Variants in DENND3 observed in about 807,000 individuals in gnomAD.
DENND3 encodes the protein DENN domain-containing protein 3.
A neutral mutation model predicts 135.1 loss-of-function variants in DENND3; 88 were observed. That is an observed-to-expected ratio of 0.65 (90% CI 0.55 to 0.78). The LOEUF is 0.78. DENND3 is among the 30% of genes least tolerant of loss of function. The pLI is 0.00. For synonymous variants in DENND3, 693 were observed against 712.3 expected, an observed-to-expected ratio of 0.97 and a Z score of 0.43; for missense variants, 1,392 against 1,688.4, an observed-to-expected ratio of 0.82 and a Z score of 3.08.
In DENND3 at chr8:141,141,576, G is replaced by A. The variant is rs1483569831; in HGVS notation, c.623+252G>A. On this transcript the variant is annotated intron_variant, in intron 4 of 22. Transcript: ENST00000519811. The surrounding 1 kb of genome is among the most constrained non-coding windows in gnomAD (Gnocchi z 5.3). ...CTCCTCTCTGTGACTGGTAACATAC[G>A]GTAATGGCATGGTAGGAAAGGGATG... is the stretch of plus-strand genomic sequence containing the variant. 9.7e-6 allele frequency: 5 copies of A among 515,702 alleles called. No individual in the cohort carries two copies. Among genetic ancestry groups the A allele is most frequent in the South Asian group, 2.3e-5 (1 of 43,506 alleles). 31.9% of individuals were successfully genotyped at this position (515,702 alleles called of 1,614,324 possible).
rs575462837 is a variant in DENND3 at position 141,148,947 on chromosome 8, G to A, written c.736-1887G>A. On this transcript the variant is annotated intron_variant, in intron 5 of 22. Coordinates refer to ENST00000519811, the MANE Select transcript of DENND3 (RefSeq NM_001352890.3). ...TTTTTTTGAGAGGAGTTTCGCTCTT[G>A]TTGCCCAGGCTGGAGTGCAATGGCA... Among the ~76,000 whole-genome samples, 72 of 146,054 alleles carry A rather than the reference G, an allele frequency of 4.9e-4. No homozygotes were observed. In the South Asian group the frequency reaches 0.015, roughly 31 times the overall value.
intron 1 of DENND3, among the ~76,000 whole-genome samples, chr8:141,131,815 G>A (rs559876306): frequency 6.6e-6 from 1 of 151,840 alleles, no homozygotes; most frequent in Admixed American, 6.6e-5. Flanking sequence ...GTCAGCACCT[G>A]GGACAGAAGA....
Position 141,175,457 on chromosome 8 carries a change from G to C in DENND3, c.2533G>C (p.Glu845Gln). Residue 845 changes from glutamate to glutamine, a missense_variant and splice_region_variant, in exon 14 of 23, where the codon GAG becomes CAG. Transcript: ENST00000519811. This position sits in a 1 kb window ranked among gnomAD's most constrained non-coding sequence, Gnocchi z 5.4. Reference protein sequence around the residue: ...YLEISTFRNIEEVRRTTTTFL... With the variant: ...YLEISTFRNIQEVRRTTTTFL... ...GGAGATTTCCACCTTCAGAAATATA[G>C]AGGTAAGGACAGCACAGGCAGACGG... 6.2e-7 allele frequency: 1 copy of C among 1,614,188 alleles called. No homozygotes were observed. Among genetic ancestry groups the C allele is most frequent in the Non-Finnish European group, 8.5e-7 (1 of 1,180,044 alleles).
chr8:141,182,434 G>T lies in DENND3; in HGVS notation c.2944+1580G>T. Reference sequence around the variant, plus strand: ...CTAAGCCAGGCTCTGTGCTGACTTCGCCAGAGATGACTCCACAGACCAAGA... The same window carrying T: ...CTAAGCCAGGCTCTGTGCTGACTTCTCCAGAGATGACTCCACAGACCAAGA... On this transcript the variant is annotated intron_variant, in intron 17 of 22. Coordinates refer to ENST00000519811, the MANE Select transcript of DENND3 (RefSeq NM_001352890.3). The surrounding 1 kb of genome is among the most constrained non-coding windows in gnomAD (Gnocchi z 5.9). The T allele has an allele frequency of 2.0e-6, 2 of 985,418 alleles. No individual in the cohort carries two copies. The highest frequency in any genetic ancestry group is 2.4e-6 in the Non-Finnish European group (2 of 829,938). The allele number at this position is 985,418 out of a possible 1,614,324, so 61.0% of individuals were successfully genotyped here. A position where few individuals can be genotyped will look rare whatever the true frequency, so the allele number is the denominator to read the frequency against.
rs765294440 is a variant in DENND3, at chr8:141,176,795, T to C, written c.2706+34T>C. 2.2e-5 allele frequency: 35 copies of C among 1,601,398 alleles called. No homozygotes were observed. In the South Asian group the frequency reaches 3.9e-4, roughly 18 times the overall value. The stretch of plus-strand genomic sequence containing the variant: ...CGCGGGTCCCCTCTGCCCTTTGCTG[T>C]GGCTGCCTCAGGGGCCTCTCGCCAC... On this transcript the variant is annotated intron_variant, in intron 15 of 22. Coordinates refer to ENST00000519811, the MANE Select transcript of DENND3 (RefSeq NM_001352890.3).
chr8:141,192,246 A>T, intron 20 of DENND3, 85 bp from the exon 21 acceptor site: 2 of 1,552,706 alleles, frequency 1.3e-6, no homozygotes, highest in Non-Finnish European at 8.7e-7. Context: ...CCACGCTGGA[A>T]AGAGCAGTGA....
chr8:141,138,287 C>T lies in DENND3; in HGVS notation c.501+150C>T. The T allele has an allele frequency of 1.2e-6, 1 of 851,076 alleles. No individual in the cohort carries two copies. 52.7% of individuals were successfully genotyped at this position (851,076 alleles called of 1,614,324 possible). ...ATTCACAGCATTGTGCAACCACCACCAATGTCTAGGTCCAAAACGCTTTCA... is the reference window on the plus strand; with the variant it reads ...ATTCACAGCATTGTGCAACCACCACTAATGTCTAGGTCCAAAACGCTTTCA... On this transcript the variant is annotated intron_variant, in intron 3 of 22. Transcript: ENST00000519811. The surrounding 1 kb of genome is among the most constrained non-coding windows in gnomAD (Gnocchi z 4.8).
intron 7 of DENND3, among the ~76,000 whole-genome samples, chr8:141,152,352 C>A (rs912944473): frequency 1.3e-5 from 2 of 152,166 alleles, no homozygotes; most frequent in African/African-American, 4.8e-5. Flanking sequence ...AATCATCCGC[C>A]GTCCAATTTT....
intron 1 of DENND3, among the ~76,000 whole-genome samples, chr8:141,132,605 C>T (rs1378223349): frequency 3.3e-5 from 5 of 152,194 alleles, no homozygotes; most frequent in Non-Finnish European, 7.3e-5. Flanking sequence ...GATCTACCTG[C>T]CTCAGCCTCC....
intron 17 of DENND3, among the ~76,000 whole-genome samples, chr8:141,181,476 G>T (rs1569556702): frequency 1.3e-5 from 2 of 152,232 alleles, no homozygotes; most frequent in African/African-American, 2.4e-5. Context: ...GCCCTGAGCG[G>T]CCCTGAGTGC....
chr8:141,161,591 G>A (rs1820133653), intron 9 of DENND3, among the ~76,000 whole-genome samples: 1 of 152,160 alleles, frequency 6.6e-6, no homozygotes, highest in Non-Finnish European at 1.5e-5. Context: ...AAGCCTTTGG[G>A]CTTCTCCCAC....
At chr8:141,184,298 A>G (rs1486860721) in intron 17 of DENND3, among the ~76,000 whole-genome samples, 6 of 152,020 alleles carry the variant, frequency 3.9e-5, no homozygotes, top group Non-Finnish European at 8.8e-5. Flanking sequence ...AGCACCATGG[A>G]GTCAGTTAGG....
At position 141,175,173 on chromosome 8, in the gene DENND3, CCT is replaced by C. The variant is rs778161037; in HGVS notation, c.2276-22_2276-21del. ...TCCCGAGGTATGTGGCTGTAAGATA[CCT>C]CTCTTTTCTTCTTATCAAACTAAGG... On this transcript the variant is annotated intron_variant, in intron 13 of 22. Transcript: ENST00000519811. The surrounding 1 kb of genome is among the most constrained non-coding windows in gnomAD (Gnocchi z 5.4). 1 of 1,598,290 alleles carries C rather than the reference CCT, an allele frequency of 6.3e-7. No individual in the cohort carries two copies. The highest frequency in any genetic ancestry group is 1.1e-5 in the South Asian group (1 of 89,608).
chr8:141,168,022 A>C lies in DENND3; in HGVS notation c.1772A>C (p.Lys591Thr), dbSNP rs1821028993. The part of the protein sequence containing the change: ...GSSAVLNVTP[K>T]SPYTFKIPEI... Reference sequence around the variant, plus strand: ...GTTTTAGTTCTGAATGTCACGCCGAAGTCCCCGTATACATTCAAGATTCCC... The same window carrying C: ...GTTTTAGTTCTGAATGTCACGCCGACGTCCCCGTATACATTCAAGATTCCC... Residue 591 changes from lysine to threonine, a missense_variant, in exon 13 of 23, where the codon AAG (lysine) becomes ACG (threonine). Lys to Thr is a moderately conservative substitution (Grantham distance 78). Coordinates refer to ENST00000519811, the MANE Select transcript of DENND3 (RefSeq NM_001352890.3). The surrounding 1 kb of genome is among the most constrained non-coding windows in gnomAD (Gnocchi z 6.2). 1 of 1,609,316 alleles carries C rather than the reference A, an allele frequency of 6.2e-7. No homozygotes were observed. The highest frequency in any genetic ancestry group is 8.5e-7 in the Non-Finnish European group (1 of 1,176,502).
At chr8:141,156,457 G>A (rs1358703642) in intron 8 of DENND3, among the ~76,000 whole-genome samples, 1 of 152,114 alleles carries the variant, frequency 6.6e-6, no homozygotes. Context: ...TTCAAGTCAA[G>A]AGACAGTCAC....
At position 141,182,705 on chromosome 8, in the gene DENND3, C is replaced by G. The variant is rs1823315828; in HGVS notation, c.2944+1851C>G. Among the ~76,000 whole-genome samples the G allele has an allele frequency of 6.6e-6, 1 of 152,204 alleles. No individual in the cohort carries two copies. Among genetic ancestry groups the G allele is most frequent in the Admixed American group, 6.5e-5 (1 of 15,282 alleles). On this transcript the variant is annotated intron_variant, in intron 17 of 22. Transcript: ENST00000519811. This position sits in a 1 kb window ranked among gnomAD's most constrained non-coding sequence, Gnocchi z 5.9. ...AGCTGGTAGCCGAGCAGGGCTTTTG[C>G]AAGCCTTGTGAGATTGCAGGGACAA... is the stretch of plus-strand genomic sequence containing the variant.
intron 1 of DENND3, 99 bp from the exon 2 acceptor site, chr8:141,136,410 G>A (rs907121438): frequency 4.5e-5 from 57 of 1,278,578 alleles, no homozygotes; most frequent in East Asian, 7.6e-5. Context: ...TATGGGCACC[G>A]AGGGGAGGAG....
Position 141,160,746 on chromosome 8 carries a change from G to T in DENND3, c.1311G>T (p.Gln437His). Residue 437 changes from glutamine (Q) to histidine (H), a missense_variant, in exon 9 of 23, where the codon CAG becomes CAT. Gln to His is a conservative substitution (Grantham distance 24, BLOSUM62 0). Transcript: ENST00000519811. Reference sequence around the variant, plus strand: ...CCTGGCAGCAGAAACTCAACTGCCAGATACAGCAGACCACCCTGCAGCTGC... The same window carrying T: ...CCTGGCAGCAGAAACTCAACTGCCATATACAGCAGACCACCCTGCAGCTGC... ...RRSWQQKLNC[Q>H]IQQTTLQLLV... The T allele has an allele frequency of 1.2e-6, 2 of 1,613,084 alleles. No individual in the cohort carries two copies. Among genetic ancestry groups the T allele is most frequent in the Non-Finnish European group, 1.7e-6 (2 of 1,179,746 alleles).
Position 141,194,931 on chromosome 8 carries a change from A to G in DENND3, c.*698A>G, listed in dbSNP as rs1362366439. 6.6e-6 allele frequency: 1 copy of G among 152,240 alleles called. No individual in the cohort carries two copies. Among genetic ancestry groups the G allele is most frequent in the African/African-American group, 2.4e-5 (1 of 41,460 alleles). The allele number at this position is 152,240 out of a possible 1,614,324, so 9.4% of individuals were successfully genotyped here. ...CCTAGAGACCTTTTTTCTACCAAAGATCACAGACCAGAAAAAGTTCCATCT... is the reference window on the plus strand; with the variant it reads ...CCTAGAGACCTTTTTTCTACCAAAGGTCACAGACCAGAAAAAGTTCCATCT... On this transcript the variant is annotated 3_prime_UTR_variant, in exon 23 of 23. Transcript: ENST00000519811.
Sources: gnomAD v4.1 joint callset for allele counts (sites outside exome capture counted in the v4.1 genomes callset) on GRCh38, gnomAD v4.1.1 for gene constraint, Gnocchi (gnomAD v3.1) non-coding constraint, MANE v1.5 for transcripts, NCBI Gene and HGNC (gene_info 2026-07-23, HGNC 2026-07-21) for gene names.